Variants in CIT observed in about 807,000 individuals in gnomAD.
CIT encodes citron rho-interacting serine/threonine kinase.
In CIT, 79 loss-of-function variants were observed where a neutral mutation model predicts 272.7. The ratio of observed to expected loss-of-function variants is 0.29; its 90% confidence interval spans 0.24 to 0.35. The LOEUF (loss-of-function observed/expected upper bound fraction) is 0.35. Ranked by LOEUF, CIT falls within the 10% of genes least tolerant of loss-of-function variation. The probability of loss-of-function intolerance (pLI) is 1.00; values close to 1 mark genes in which losing one functional copy is unlikely to be tolerated. For synonymous variants in CIT, 948 were observed against 995.6 expected (o/e 0.95, Z 0.90); for missense variants, 1,909 against 2,618.3 (o/e 0.73, Z 5.91).
chr12:119,740,947 T>C (rs1959029108), intron 24 of CIT, among the ~76,000 whole-genome samples: 1 of 152,118 alleles, frequency 6.6e-6, no homozygotes, highest in African/African-American at 2.4e-5. Flanking sequence ...AGTTCCCTAC[T>C]AAAGTCAAAC....
intron 28 of CIT, among the ~76,000 whole-genome samples, chr12:119,723,033 C>T (rs1381835019): frequency 3.3e-5 from 5 of 151,330 alleles, no homozygotes; most frequent in Admixed American, 3.3e-4. Context: ...CCAGCCTGGG[C>T]GACAGAGCAA....
intron 5 of CIT, among the ~76,000 whole-genome samples, chr12:119,849,322 G>T (rs746077338): frequency 2.0e-5 from 3 of 151,978 alleles, no homozygotes; most frequent in Non-Finnish European, 2.9e-5. Context: ...AGCTACTAGG[G>T]AAGCTGAGGC....
chr12:119,801,659 C>G (rs1170229275), intron 10 of CIT, among the ~76,000 whole-genome samples: 1 of 152,210 alleles, frequency 6.6e-6, no homozygotes, highest in Non-Finnish European at 1.5e-5. Context: ...ATACTGCCCA[C>G]TAACCATGCA....
At position 119,710,734 on chromosome 12, in the gene CIT, G is replaced by A. The variant is rs1050437905; in HGVS notation, c.4855-114C>T. 6.1e-6 allele frequency: 6 copies of A among 987,872 alleles called. No individual in the cohort carries two copies. The African/African-American group carries it at 9.6e-5, about 16-fold the overall frequency. 61.2% of individuals were successfully genotyped at this position (987,872 alleles called of 1,614,324 possible). A position where few individuals can be genotyped will look rare whatever the true frequency, so the allele number is the denominator to read the frequency against. ...TTAAGGCCAAGTTATTCCTGGAAAT[G>A]CTCAGAAACGCACATATGCTCTTAG... On this transcript the variant is annotated intron_variant, in intron 37 of 47. Transcript: ENST00000392521. The surrounding 1 kb of genome is among the most constrained non-coding windows in gnomAD (Gnocchi z 5.6).
At chr12:119,711,062 G>A (rs1957135891) in intron 37 of CIT, 2 of 1,367,004 alleles carry the variant, frequency 1.5e-6, no homozygotes, top group Non-Finnish European at 2.0e-6. Flanking sequence ...AACCCAGGCA[G>A]GCAGAAGCTC....
At chr12:119,808,039 T>C (rs74653672) in intron 9 of CIT, among the ~76,000 whole-genome samples, 2,351 of 152,310 alleles carry the variant, frequency 0.015, 31 homozygotes, top group Non-Finnish European at 0.02. Context: ...TTTGTTTTTG[T>C]TTTTGTTTCA....
intron 17 of CIT, among the ~76,000 whole-genome samples, chr12:119,771,933 G>A (rs1208491594): frequency 1.3e-5 from 2 of 152,164 alleles, no homozygotes; most frequent in Admixed American, 6.5e-5. Flanking sequence ...TGAGGAAAGT[G>A]AGAAGGGAAA....
intron 3 of CIT, among the ~76,000 whole-genome samples, chr12:119,867,936 A>G (rs1170645306): frequency 6.6e-6 from 1 of 152,210 alleles, no homozygotes; most frequent in East Asian, 1.9e-4. Flanking sequence ...TTCAAAAATT[A>G]TATTTTATGG....
intron 24 of CIT, 144 bp from the exon 25 acceptor site, chr12:119,735,501 C>T: frequency 1.4e-6 from 1 of 720,066 alleles, no homozygotes. Flanking sequence ...CCGTGAGAGC[C>T]ATGTCCAAGC....
chr12:119,691,418 C>T (rs375773187), intron 46 of CIT, among the ~76,000 whole-genome samples: 1 of 152,178 alleles, frequency 6.6e-6, no homozygotes, highest in African/African-American at 2.4e-5. Context: ...TGTTTGGTCA[C>T]CTCTGCCCCC....
In CIT at chr12:119,803,797, A is replaced by G. The variant is rs1438429945; in HGVS notation, c.1112-408T>C. 3.3e-5 allele frequency among the ~76,000 whole-genome samples: 5 copies of G among 152,138 alleles called. No individual in the cohort carries two copies. In the East Asian group the frequency reaches 9.7e-4, roughly 29 times the overall value. ...TAAACCTATGGATTCCCTCCTCCAG[A>G]CAGGTCTAAATTATTAATGATTAGC... is the stretch of plus-strand genomic sequence containing the variant. On this transcript the variant is annotated intron_variant, in intron 9 of 47. Coordinates refer to ENST00000392521, the MANE Select transcript of CIT (RefSeq NM_001206999.2).
intron 12 of CIT, 101 bp from the exon 13 acceptor site, chr12:119,782,738 A>C: frequency 7.1e-7 from 1 of 1,411,118 alleles, no homozygotes; most frequent in Non-Finnish European, 9.5e-7. Flanking sequence ...ACACCAGGAC[A>C]GTTTCGAGTG....
chr12:119,707,716 G>A (rs1956953718), intron 40 of CIT, among the ~76,000 whole-genome samples: 1 of 152,034 alleles, frequency 6.6e-6, no homozygotes, highest in Non-Finnish European at 1.5e-5. Context: ...TGGCCAGGAT[G>A]GTCTTGATCT....
intron 10 of CIT, among the ~76,000 whole-genome samples, chr12:119,789,225 A>C (rs911364849): frequency 7.9e-5 from 12 of 152,264 alleles, no homozygotes; most frequent in East Asian, 1.9e-4. Context: ...ATTAAGAACC[A>C]TGGTGCTAAT....
At position 119,795,302 on chromosome 12, in the gene CIT, G is replaced by A. The variant is rs761273565; in HGVS notation, c.1295+7904C>T. Reference sequence around the variant, plus strand: ...CACGGGAGGCTGAGGCACAAGAATCGCTTGAACCTGGGAGGCGGAGGTTGC... The same window carrying A: ...CACGGGAGGCTGAGGCACAAGAATCACTTGAACCTGGGAGGCGGAGGTTGC... On this transcript the variant is annotated intron_variant, in intron 10 of 47. Coordinates refer to ENST00000392521, the MANE Select transcript of CIT (RefSeq NM_001206999.2). 5.9e-5 allele frequency among the ~76,000 whole-genome samples: 9 copies of A among 152,148 alleles called. No homozygotes were observed. The South Asian group carries it at 8.3e-4, about 14-fold the overall frequency.
chr12:119,713,865 A>G lies in CIT; in HGVS notation c.4307-217T>C. On this transcript the variant is annotated intron_variant, in intron 33 of 47. Transcript: ENST00000392521. This position sits in a 1 kb window ranked among gnomAD's most constrained non-coding sequence, Gnocchi z 5.2. ...CTCTTGACCCAGTTTTCCAGGCTTC[A>G]ATCCAGACCGCCCACAAACAGGTGT... 2 of 618,116 alleles carry G rather than the reference A, an allele frequency of 3.2e-6. No individual in the cohort carries two copies. The highest frequency in any genetic ancestry group is 5.7e-6 in the Non-Finnish European group (2 of 351,898). The allele number at this position is 618,116 out of a possible 1,614,324, so 38.3% of individuals were successfully genotyped here.
At chr12:119,863,734 G>A (rs1468329080) in intron 3 of CIT, among the ~76,000 whole-genome samples, 1 of 151,432 alleles carries the variant, frequency 6.6e-6, no homozygotes, top group Non-Finnish European at 1.5e-5. Context: ...GTTTCACCAT[G>A]TTGGCCAGGA....
In CIT at chr12:119,712,869, T is replaced by C; in HGVS notation, c.4580-174A>G. On this transcript the variant is annotated intron_variant, in intron 35 of 47. Transcript: ENST00000392521. The surrounding 1 kb of genome is among the most constrained non-coding windows in gnomAD (Gnocchi z 5.2). Reference sequence around the variant, plus strand: ...GTGCAGAGAAGGCAGAGAGGGAAGATAAAAAAAAATAAAGTGTGTCAGATG... The same window carrying C: ...GTGCAGAGAAGGCAGAGAGGGAAGACAAAAAAAAATAAAGTGTGTCAGATG... 3 of 565,884 alleles carry C rather than the reference T, an allele frequency of 5.3e-6. No homozygotes were observed. Among genetic ancestry groups the C allele is most frequent in the Non-Finnish European group, 9.4e-6 (3 of 320,084 alleles). The allele number at this position is 565,884 out of a possible 1,614,324, so 35.1% of individuals were successfully genotyped here. A position where few individuals can be genotyped will look rare whatever the true frequency, so the allele number is the denominator to read the frequency against.
intron 3 of CIT, among the ~76,000 whole-genome samples, chr12:119,859,549 G>C (rs1284436737): frequency 2.0e-5 from 3 of 152,056 alleles, no homozygotes; most frequent in African/African-American, 7.2e-5. Flanking sequence ...GGGCGCAGTA[G>C]CTCACGCCTG....
Sources: allele counts gnomAD v4.1 joint callset (sites outside exome capture counted in the v4.1 genomes callset), GRCh38; gene constraint gnomAD v4.1.1; non-coding constraint Gnocchi (gnomAD v3.1); transcripts MANE v1.5; gene names NCBI Gene and HGNC (gene_info 2026-07-23, HGNC 2026-07-21).